Variants in DLG2 observed in about 807,000 individuals in gnomAD.
DLG2 encodes discs large MAGUK scaffold protein 2.
A neutral mutation model predicts 132.5 loss-of-function variants in DLG2; 45 were observed. The observed-to-expected ratio is 0.34, with a 90% CI of 0.27 to 0.44. DLG2 has a LOEUF of 0.44. DLG2 is among the 20% of genes least tolerant of loss of function. DLG2 has a pLI of 1.00. For missense variants in DLG2, 1,045 were observed against 1,196.9 expected, an observed-to-expected ratio of 0.87 and a Z score of 1.87; for synonymous variants, 424 against 419.6, an observed-to-expected ratio of 1.01 and a Z score of -0.13.
intron 16 of DLG2, among the ~76,000 whole-genome samples, chr11:83,868,818 C>T (rs1395941564): frequency 1.3e-5 from 2 of 152,118 alleles, no homozygotes; most frequent in African/African-American, 2.4e-5. Context: ...CACTACTTAG[C>T]ACTACTTTTG....
chr11:84,160,640 T>C (rs2095526328), intron 9 of DLG2, among the ~76,000 whole-genome samples: 1 of 152,146 alleles, frequency 6.6e-6, no homozygotes, highest in African/African-American at 2.4e-5. Flanking sequence ...AGATGAAAGA[T>C]ATACTGTGCC....
intron 16 of DLG2, among the ~76,000 whole-genome samples, chr11:83,838,846 T>C (rs1438749996): frequency 2.0e-5 from 3 of 151,840 alleles, no homozygotes; most frequent in Non-Finnish European, 4.4e-5. Flanking sequence ...GAGGAAAGTA[T>C]TTCTTGTACT....
At chr11:85,586,453 G>C (rs930236402) in intron 3 of DLG2, among the ~76,000 whole-genome samples, 17 of 152,036 alleles carry the variant, frequency 1.1e-4, no homozygotes, top group African/African-American at 3.6e-4. Flanking sequence ...ATATTTCTTG[G>C]AATTTATCCA....
In DLG2 at chr11:84,170,773, T is replaced by C. The variant is rs535124974; in HGVS notation, c.574-7262A>G. Among the ~76,000 whole-genome samples the C allele has an allele frequency of 9.8e-5, 15 of 152,300 alleles. No homozygotes were observed. The East Asian group carries it at 2.9e-3, about 29-fold the overall frequency. ...ATGCTAGGTAACCTTGGGCTTGTCA[T>C]GATGCTTTAATTTTCTCATGCAGAT... On this transcript the variant is annotated intron_variant, in intron 8 of 27. Coordinates refer to ENST00000376104, the MANE Select transcript of DLG2 (RefSeq NM_001142699.3).
intron 3 of DLG2, among the ~76,000 whole-genome samples, chr11:85,577,953 A>G (rs1177978576): frequency 6.6e-6 from 1 of 152,194 alleles, no homozygotes; most frequent in African/African-American, 2.4e-5. Flanking sequence ...AGCAAAAAGA[A>G]CAAAACTGGA....
At chr11:85,060,873 T>G (rs183111030) in intron 6 of DLG2, among the ~76,000 whole-genome samples, 2 of 151,768 alleles carry the variant, frequency 1.3e-5, no homozygotes, top group African/African-American at 4.8e-5. Flanking sequence ...TTTTGTTGTT[T>G]TTTTTTGTTT....
intron 18 of DLG2, among the ~76,000 whole-genome samples, chr11:83,722,916 G>A (rs1040777266): frequency 3.3e-5 from 5 of 152,052 alleles, no homozygotes; most frequent in African/African-American, 2.4e-5. Context: ...AGTCCAGAAC[G>A]TATGTTACAT....
Position 83,964,975 on chromosome 11 carries a change from A to C in DLG2, c.1201+349T>G, listed in dbSNP as rs545963403. Among the ~76,000 whole-genome samples the C allele has an allele frequency of 2.6e-5, 4 of 152,116 alleles. No homozygotes were observed. The South Asian group carries it at 8.3e-4, about 31-fold the overall frequency. ...TCTCTTTTCTAATCTACTACTACAG[A>C]GATCTGAAGTTGGAAGAAATAATAT... is the stretch of plus-strand genomic sequence containing the variant. On this transcript the variant is annotated intron_variant, in intron 13 of 27. Coordinates refer to ENST00000376104, the MANE Select transcript of DLG2 (RefSeq NM_001142699.3).
Position 84,502,273 on chromosome 11 carries a change from T to C in DLG2, c.519+32297A>G, listed in dbSNP as rs1211685141. Among the ~76,000 whole-genome samples, 4 of 59,850 alleles carry C rather than the reference T, an allele frequency of 6.7e-5. 1 individual carries two copies. The highest frequency in any genetic ancestry group is 8.9e-5 in the Non-Finnish European group (3 of 33,526). The allele number at this position is 59,850 out of a possible 152,430, so 39.3% of individuals were successfully genotyped here. A position where few individuals can be genotyped will look rare whatever the true frequency, so the allele number is the denominator to read the frequency against. On this transcript the variant is annotated intron_variant, in intron 7 of 27. Transcript: ENST00000376104. Reference sequence around the variant, plus strand: ...TTCCTTCCTTCCTTCCTTCCTTCCTTCCTTCCTTCTTTCTTTCTTTCTTTC... The same window carrying C: ...TTCCTTCCTTCCTTCCTTCCTTCCTCCCTTCCTTCTTTCTTTCTTTCTTTC...
intron 19 of DLG2, among the ~76,000 whole-genome samples, chr11:83,575,518 T>C (rs1178528998): frequency 6.6e-6 from 1 of 152,196 alleles, no homozygotes; most frequent in Non-Finnish European, 1.5e-5. Flanking sequence ...AGCAGAGTAC[T>C]GATTGGCATC....
intron 6 of DLG2, among the ~76,000 whole-genome samples, chr11:85,097,250 T>C (rs534657751): frequency 8.4e-4 from 128 of 152,216 alleles, no homozygotes; most frequent in African/African-American, 3.1e-3. Context: ...TCTATTCCCT[T>C]CTTTAGGCAC....
At chr11:84,685,096 A>T (rs2153713756) in intron 6 of DLG2, among the ~76,000 whole-genome samples, 1 of 152,346 alleles carries the variant, frequency 6.6e-6, no homozygotes, top group South Asian at 2.1e-4. Flanking sequence ...AGACACAGAA[A>T]CTAAGTTCCA....
chr11:84,331,458 A>AAAATAAAT (rs1555509073), intron 7 of DLG2, among the ~76,000 whole-genome samples: 1 of 139,130 alleles, frequency 7.2e-6, no homozygotes, highest in African/African-American at 2.6e-5. Context: ...AAAAAAAAAA[A>AAAATAAAT]AAATAAATAA....
chr11:84,967,498 G>A (rs569412681), intron 6 of DLG2, among the ~76,000 whole-genome samples: 1 of 152,232 alleles, frequency 6.6e-6, no homozygotes, highest in East Asian at 1.9e-4. Flanking sequence ...CTTATACCAA[G>A]AGAAATGTGG....
intron 4 of DLG2, among the ~76,000 whole-genome samples, chr11:85,197,956 T>C (rs968847288): frequency 2.0e-5 from 3 of 152,226 alleles, no homozygotes; most frequent in Non-Finnish European, 4.4e-5. Context: ...AATGAGGTAT[T>C]TGTGAAAACA....
intron 3 of DLG2, among the ~76,000 whole-genome samples, chr11:85,415,271 TG>T: frequency 6.6e-6 from 1 of 152,334 alleles, no homozygotes; most frequent in Non-Finnish European, 1.5e-5. Flanking sequence ...TATGGGCATT[TG>T]GGTTGGTTCC....
chr11:84,272,529 T>A (rs747926967), intron 7 of DLG2, among the ~76,000 whole-genome samples: 1 of 152,176 alleles, frequency 6.6e-6, no homozygotes, highest in Non-Finnish European at 1.5e-5. Context: ...CCAGCCTGAT[T>A]CCTCTGGTTA....
At chr11:85,322,229 C>G (rs10898384) in intron 3 of DLG2, among the ~76,000 whole-genome samples, 3,959 of 152,162 alleles carry the variant, frequency 0.026, 86 homozygotes, top group Non-Finnish European at 0.043. Context: ...CACCGCCACC[C>G]ATAAGCCCCT....
intron 7 of DLG2, among the ~76,000 whole-genome samples, chr11:84,268,643 A>T (rs1313306137): frequency 1.0e-5 from 1 of 97,882 alleles, no homozygotes; most frequent in East Asian, 2.4e-4. Flanking sequence ...TTGTATTTTT[A>T]GTAGAGATGG....
Sources: allele counts gnomAD v4.1 joint callset (sites outside exome capture counted in the v4.1 genomes callset), GRCh38; gene constraint gnomAD v4.1.1; transcripts MANE v1.5; gene names NCBI Gene and HGNC (gene_info 2026-07-23, HGNC 2026-07-21).